Variants in IL6ST observed in about 807,000 individuals in gnomAD.
IL6ST encodes interleukin 6 cytokine family signal transducer.
A neutral mutation model predicts 91.3 loss-of-function variants in IL6ST; 24 were observed. That is an observed-to-expected ratio of 0.26 (90% CI 0.19 to 0.37). The LOEUF (loss-of-function observed/expected upper bound fraction) is 0.37. IL6ST is among the 10% of genes least tolerant of loss of function. The pLI, the probability that IL6ST is intolerant of heterozygous loss-of-function variation, is 1.00. For synonymous variants in IL6ST, 351 were observed against 373.6 expected (o/e 0.94, Z 0.70); for missense variants, 914 against 1,078.5 (o/e 0.85, Z 2.14).
intron 1 of IL6ST, among the ~76,000 whole-genome samples, chr5:55,988,640 C>T (rs1046494390): frequency 6.6e-6 from 1 of 151,758 alleles, no homozygotes; most frequent in Admixed American, 6.6e-5. Context: ...GTGGCGCACA[C>T]CTGTAATCTC....
chr5:55,939,427 A>AAAGAT lies in IL6ST; in HGVS notation c.*1650_*1654dup, dbSNP rs775448318. ...GGCATTATATAAATGCAAGAATATA[A>AAAGAT]AAGATAAACAGGAAGTCTAATGTGA... On this transcript the variant is annotated 3_prime_UTR_variant, in exon 17 of 17. Transcript: ENST00000381298. 1.5e-5 allele frequency: 3 copies of AAAGAT among 203,236 alleles called. No individual in the cohort carries two copies. Among genetic ancestry groups the AAAGAT allele is most frequent in the African/African-American group, 2.3e-5 (1 of 43,624 alleles). The allele number at this position is 203,236 out of a possible 1,614,324, so 12.6% of individuals were successfully genotyped here. A position where few individuals can be genotyped will look rare whatever the true frequency, so the allele number is the denominator to read the frequency against.
In IL6ST at chr5:55,938,602, A is replaced by C. The variant is rs1750682084; in HGVS notation, c.*2480T>G. On this transcript the variant is annotated 3_prime_UTR_variant, in exon 17 of 17. Coordinates refer to ENST00000381298, the MANE Select transcript of IL6ST (RefSeq NM_002184.4). ...CTTTAAACACCACTTTTGGACACTA[A>C]AGATTTAAAGTGATAAAGCCACTAA... 5.1e-6 allele frequency: 1 copy of C among 197,180 alleles called. No homozygotes were observed. Among genetic ancestry groups the C allele is most frequent in the Admixed American group, 6.1e-5 (1 of 16,516 alleles). The allele number at this position is 197,180 out of a possible 1,614,324, so 12.2% of individuals were successfully genotyped here. A position where few individuals can be genotyped will look rare whatever the true frequency, so the allele number is the denominator to read the frequency against.
chr5:55,939,028 A>G lies in IL6ST; in HGVS notation c.*2054T>C, dbSNP rs1750709873. ...TGTATATCTGACCCTGAAATGTACAAACTTCACACTACAACATTCTTCATG... is the reference window on the plus strand; with the variant it reads ...TGTATATCTGACCCTGAAATGTACAGACTTCACACTACAACATTCTTCATG... On this transcript the variant is annotated 3_prime_UTR_variant, in exon 17 of 17. Transcript: ENST00000381298. The G allele has an allele frequency of 2.0e-5, 4 of 204,562 alleles. No homozygotes were observed. The East Asian group carries it at 3.0e-4, about 15-fold the overall frequency. 12.7% of individuals were successfully genotyped at this position (204,562 alleles called of 1,614,324 possible).
chr5:55,988,343 G>GA (rs1223501798), intron 1 of IL6ST, among the ~76,000 whole-genome samples: 1 of 152,080 alleles, frequency 6.6e-6, no homozygotes. Context: ...CATCTATCAA[G>GA]AAAGAGTGAG....
At chr5:55,974,956 T>TAC (rs3039924) in intron 3 of IL6ST, among the ~76,000 whole-genome samples, 7,669 of 114,506 alleles carry the variant, frequency 0.067, 222 homozygotes, top group Non-Finnish European at 0.11. Flanking sequence ...CACACACACA[T>TAC]ACACACACAC....
intron 14 of IL6ST, among the ~76,000 whole-genome samples, chr5:55,950,553 AAAAAAAAGC>A (rs1751569087): frequency 6.7e-6 from 1 of 149,984 alleles, no homozygotes; most frequent in Non-Finnish European, 1.5e-5. Flanking sequence ...AAAAAAAAAA[AAAAAAAAGC>A]AAAAAAAGGA....
chr5:55,948,699 T>A (rs1440420309), intron 14 of IL6ST, among the ~76,000 whole-genome samples: 4 of 152,198 alleles, frequency 2.6e-5, no homozygotes, highest in African/African-American at 9.6e-5. Flanking sequence ...TCTGCTTTTA[T>A]GTTTTCAAGC....
At chr5:55,959,020 C>T (rs1193925548) in intron 8 of IL6ST, among the ~76,000 whole-genome samples, 22 of 151,792 alleles carry the variant, frequency 1.4e-4, no homozygotes, top group Non-Finnish European at 4.4e-5. Context: ...GAATAAAGAA[C>T]ATGAAATTAT....
At chr5:55,943,542 T>C (rs1751050094) in intron 15 of IL6ST, among the ~76,000 whole-genome samples, 1 of 152,200 alleles carries the variant, frequency 6.6e-6, no homozygotes, top group Non-Finnish European at 1.5e-5. Context: ...TGAACACAGA[T>C]GCAAACAGTA....
intron 11 of IL6ST, 22 bp downstream of exon 11, chr5:55,954,788 A>G: frequency 6.4e-7 from 1 of 1,551,678 alleles, no homozygotes; most frequent in Non-Finnish European, 8.7e-7. Context: ...ATATCAATTT[A>G]GATGTTTCTA....
intron 1 of IL6ST, among the ~76,000 whole-genome samples, chr5:55,992,390 T>C (rs1244996173): frequency 2.0e-5 from 3 of 152,182 alleles, no homozygotes; most frequent in African/African-American, 7.2e-5. Context: ...AGGCTGTCTA[T>C]GTATGACCTT....
intron 3 of IL6ST, among the ~76,000 whole-genome samples, chr5:55,971,390 A>T (rs1022790618): frequency 1.3e-5 from 2 of 152,238 alleles, no homozygotes; most frequent in Non-Finnish European, 2.9e-5. Context: ...CTTCCAGTTT[A>T]TCTTACATAC....
At chr5:55,955,918 T>C in intron 10 of IL6ST, 107 bp downstream of exon 10, 1 of 642,874 alleles carries the variant, frequency 1.6e-6, no homozygotes, top group South Asian at 2.2e-5. Context: ...TTATCCCTGA[T>C]ACTGAGGAGA....
At chr5:55,982,464 T>C (rs558303089) in intron 2 of IL6ST, among the ~76,000 whole-genome samples, 4 of 152,280 alleles carry the variant, frequency 2.6e-5, no homozygotes, top group Admixed American at 2.0e-4. Flanking sequence ...CTGCCAGAAG[T>C]TGGTAATACC....
At chr5:55,961,814 C>T (rs1752335392) in intron 7 of IL6ST, among the ~76,000 whole-genome samples, 1 of 151,778 alleles carries the variant, frequency 6.6e-6, no homozygotes, top group Admixed American at 6.6e-5. Context: ...AATCAACATG[C>T]CAATTTCACT....
intron 9 of IL6ST, 95 bp downstream of exon 9, chr5:55,957,114 C>T (rs892940306): frequency 3.3e-5 from 20 of 604,734 alleles, no homozygotes; most frequent in African/African-American, 1.6e-4. Context: ...GCCAAGATCA[C>T]GCCACTACAC....
intron 2 of IL6ST, among the ~76,000 whole-genome samples, chr5:55,981,350 T>C (rs528916424): frequency 6.6e-6 from 1 of 152,200 alleles, no homozygotes; most frequent in South Asian, 2.1e-4. Flanking sequence ...TGCTTAAAAA[T>C]TGACAGAATT....
intron 1 of IL6ST, among the ~76,000 whole-genome samples, chr5:55,991,830 G>A (rs113196545): frequency 6.6e-6 from 1 of 151,758 alleles, no homozygotes. Context: ...GCAATTGCAA[G>A]CAATCTGGCT....
chr5:55,975,850 A>G (rs1753256407), intron 3 of IL6ST, among the ~76,000 whole-genome samples: 1 of 151,898 alleles, frequency 6.6e-6, no homozygotes, highest in Non-Finnish European at 1.5e-5. Context: ...TGTAGTATGA[A>G]TGACGTAAAA....
Sources: gnomAD v4.1 joint callset for allele counts (sites outside exome capture counted in the v4.1 genomes callset) on GRCh38, gnomAD v4.1.1 for gene constraint, MANE v1.5 for transcripts, NCBI Gene and HGNC (gene_info 2026-07-23, HGNC 2026-07-21) for gene names.